The following SLC9B1 variants were observed in gnomAD, a reference collection of about 807,000 sequenced individuals.
SLC9B1 encodes sodium/hydrogen exchanger 9B1.
In SLC9B1, 32 loss-of-function variants were observed where a neutral mutation model predicts 51.7. The ratio of observed to expected loss-of-function variants is 0.62; its 90% confidence interval spans 0.47 to 0.83. The LOEUF is 0.83. Among genes scored for constraint, SLC9B1 ranks in the 40% least tolerant of loss-of-function variants. SLC9B1 has a pLI of 0.00. For missense variants in SLC9B1, 406 were observed against 613.2 expected (o/e 0.66, Z 3.57); for synonymous variants, 145 against 212.7 (o/e 0.68, Z 2.77).
chr4:102,990,185 G>T (rs953962642), intron 2 of SLC9B1, among the ~76,000 whole-genome samples: 2 of 151,912 alleles, frequency 1.3e-5, no homozygotes, highest in Non-Finnish European at 2.9e-5. Context: ...AATCATTTGT[G>T]TATACTGAAT....
intron 7 of SLC9B1, chr4:102,911,860 C>G (rs967476319): frequency 9.5e-6 from 2 of 209,690 alleles, no homozygotes; most frequent in African/African-American, 4.7e-5. Context: ...AGTCCAGGCA[C>G]AGTGGCTCAC....
In SLC9B1 at chr4:102,906,590, AAAG is replaced by A; in HGVS notation, c.1138_1140del (p.Leu380del). On this transcript the variant is annotated inframe_deletion, in exon 10 of 12. Coordinates refer to ENST00000296422, the MANE Select transcript of SLC9B1 (RefSeq NM_139173.4). ...GATACTTCTGCTCCAACTAAACCAA[AAAG>A]AAGTGGTTGAAAAATATCCCATACA... The A allele has an allele frequency of 6.3e-7, 1 of 1,591,544 alleles. No individual in the cohort carries two copies. Among genetic ancestry groups the A allele is most frequent in the East Asian group, 2.2e-5 (1 of 44,750 alleles).
At chr4:103,006,790 G>A (rs535018747) in intron 1 of SLC9B1, among the ~76,000 whole-genome samples, 3 of 152,158 alleles carry the variant, frequency 2.0e-5, no homozygotes, top group South Asian at 4.1e-4. Flanking sequence ...AATCCATCAC[G>A]ATCAAGTAGA....
At chr4:102,960,969 T>G (rs1483696879) in intron 3 of SLC9B1, among the ~76,000 whole-genome samples, 1 of 152,010 alleles carries the variant, frequency 6.6e-6, no homozygotes, top group East Asian at 1.9e-4. Flanking sequence ...CGACCTCAGG[T>G]GATCCGCCCG....
At chr4:103,018,191 A>C (rs1319880821) in intron 1 of SLC9B1, among the ~76,000 whole-genome samples, 1 of 152,248 alleles carries the variant, frequency 6.6e-6, no homozygotes, top group East Asian at 1.9e-4. Context: ...GAGAAGTACT[A>C]TAAAAACGAT....
intron 7 of SLC9B1, among the ~76,000 whole-genome samples, chr4:102,926,882 G>T (rs561670558): frequency 3.0e-4 from 45 of 152,224 alleles, no homozygotes; most frequent in African/African-American, 1.0e-3. Context: ...AAACAGCATG[G>T]TACTGGTACC....
At chr4:102,912,141 A>AG (rs1214859245) in intron 7 of SLC9B1, 2 of 35,898 alleles carry the variant, frequency 5.6e-5, no homozygotes, top group Non-Finnish European at 9.9e-5. Flanking sequence ...TCCAAAAGAA[A>AG]AAAAAAAAAA....
chr4:102,993,710 G>A (rs1446728914), intron 1 of SLC9B1, among the ~76,000 whole-genome samples: 1 of 152,170 alleles, frequency 6.6e-6, no homozygotes, highest in East Asian at 1.9e-4. Flanking sequence ...CTCTGCCACT[G>A]GAGTAAACTT....
In SLC9B1 at chr4:102,962,524, G is replaced by A. The variant is rs370591468; in HGVS notation, c.212-13097C>T. On this transcript the variant is annotated intron_variant, in intron 3 of 11. Coordinates refer to ENST00000296422, the MANE Select transcript of SLC9B1 (RefSeq NM_139173.4). ...TCTACATTGCAGTTCAGGAGGTACT[G>A]GCCTTGGCAGTATCTTGGACATCTC... The A allele has an allele frequency of 1.1e-4, 52 of 477,516 alleles. 2 individuals are homozygous for A. The East Asian group carries it at 1.3e-3, about 12-fold the overall frequency. The allele number at this position is 477,516 out of a possible 1,614,324, so 29.6% of individuals were successfully genotyped here.
chr4:102,891,848 A>G (rs1734262512), intron 11 of SLC9B1: 1 of 152,210 alleles, frequency 6.6e-6, no homozygotes. Flanking sequence ...TAAAAACCAC[A>G]TGTGCAGCAG....
At chr4:102,993,848 G>A (rs765468563) in intron 1 of SLC9B1, among the ~76,000 whole-genome samples, 28 of 152,222 alleles carry the variant, frequency 1.8e-4, no homozygotes, top group Non-Finnish European at 3.5e-4. Flanking sequence ...CTTGGGGCTT[G>A]CACCCTCTGA....
At chr4:102,901,903 AC>A (rs900731128) in intron 11 of SLC9B1, among the ~76,000 whole-genome samples, 2 of 152,140 alleles carry the variant, frequency 1.3e-5, no homozygotes, top group African/African-American at 4.8e-5. Context: ...CTAACCTTCT[AC>A]TTACTTATGT....
At chr4:102,972,614 G>A (rs1378373100) in intron 3 of SLC9B1, among the ~76,000 whole-genome samples, 1 of 152,192 alleles carries the variant, frequency 6.6e-6, no homozygotes, top group Non-Finnish European at 1.5e-5. Flanking sequence ...TGGGACTTGG[G>A]TAGGTGGGAG....
chr4:102,910,725 C>G (rs1735298993), intron 8 of SLC9B1, 137 bp from the exon 9 acceptor site: 2 of 403,990 alleles, frequency 5.0e-6, no homozygotes, highest in Non-Finnish European at 7.8e-6. Context: ...TTTTGATTTT[C>G]TTTCTCACCA....
chr4:102,995,483 T>C (rs887276524), intron 1 of SLC9B1, among the ~76,000 whole-genome samples: 12 of 152,206 alleles, frequency 7.9e-5, no homozygotes, highest in African/African-American at 2.9e-4. Context: ...GTAACTATAA[T>C]GATTAGGATA....
chr4:102,901,516 G>C (rs4626208), intron 11 of SLC9B1, among the ~76,000 whole-genome samples, 184 bp from the exon 12 acceptor site: 1 of 149,286 alleles, frequency 6.7e-6, no homozygotes, highest in South Asian at 2.2e-4. Flanking sequence ...TGTGGAGGAA[G>C]AGTACAATAG....
At chr4:102,959,493 T>C (rs771934417) in intron 3 of SLC9B1, among the ~76,000 whole-genome samples, 21 of 152,160 alleles carry the variant, frequency 1.4e-4, no homozygotes, top group Admixed American at 2.6e-4. Flanking sequence ...AATCAGAACA[T>C]TTCTGGTTAT....
At chr4:102,962,460 T>C in intron 3 of SLC9B1, 3 of 509,406 alleles carry the variant, frequency 5.9e-6, no homozygotes, top group South Asian at 1.5e-5. Context: ...CAGAGCATTT[T>C]TGCAGAAATT....
chr4:102,949,677 G>A (rs1232761363), intron 3 of SLC9B1, among the ~76,000 whole-genome samples: 1 of 152,090 alleles, frequency 6.6e-6, no homozygotes, highest in Non-Finnish European at 1.5e-5. Flanking sequence ...ACCTATATGT[G>A]GGCCAGGTGC....
Sources: allele counts gnomAD v4.1 joint callset (sites outside exome capture counted in the v4.1 genomes callset), GRCh38; gene constraint gnomAD v4.1.1; transcripts MANE v1.5; gene names NCBI Gene and HGNC (gene_info 2026-07-23, HGNC 2026-07-21).